The following SHC3 variants were observed in gnomAD, a reference collection of about 807,000 sequenced individuals.
SHC3 encodes SHC adaptor protein 3.
Under a neutral mutation model 60.4 loss-of-function variants are expected in SHC3, and 15 were observed. The observed-to-expected ratio is 0.25, with a 90% confidence interval of 0.17 to 0.38. The LOEUF (loss-of-function observed/expected upper bound fraction) is 0.38, where lower values mean the gene tolerates loss of function less well. SHC3 is among the 10% of genes least tolerant of loss of function. The pLI is 1.00. For synonymous variants in SHC3, 294 were observed against 325.9 expected (o/e 0.90, Z 1.05); for missense variants, 677 against 786.1 (o/e 0.86, Z 1.66).
At chr9:89,094,426 A>G (rs58355189) in intron 2 of SHC3, among the ~76,000 whole-genome samples, 12,928 of 152,216 alleles carry the variant, frequency 0.085, 646 homozygotes, top group Admixed American at 0.13. Flanking sequence ...GAAGGAAGGC[A>G]GGGGCCCAAG....
intron 6 of SHC3, among the ~76,000 whole-genome samples, chr9:89,059,456 G>A (rs1340893515): frequency 8.8e-5 from 13 of 147,348 alleles, no homozygotes; most frequent in Non-Finnish European, 1.5e-4. Flanking sequence ...GTGTTAGGAC[G>A]TGGGGGAGGA....
intron 2 of SHC3, among the ~76,000 whole-genome samples, chr9:89,082,555 G>A (rs1301028531): frequency 6.6e-6 from 1 of 152,158 alleles, no homozygotes; most frequent in Non-Finnish European, 1.5e-5. Flanking sequence ...GAAGCTAGAG[G>A]GAACCATCGC....
At chr9:89,035,108 G>T (rs1353839611) in intron 11 of SHC3, among the ~76,000 whole-genome samples, 1 of 152,164 alleles carries the variant, frequency 6.6e-6, no homozygotes, top group African/African-American at 2.4e-5. Flanking sequence ...AATAGTGCGG[G>T]TTCCCAGAGC....
intron 11 of SHC3, among the ~76,000 whole-genome samples, chr9:89,030,625 A>C (rs1424431333): frequency 6.6e-6 from 1 of 152,254 alleles, no homozygotes; most frequent in Non-Finnish European, 1.5e-5. Flanking sequence ...ACAACAGTTA[A>C]AAACACATAT....
chr9:89,089,670 A>G (rs1825589200), intron 2 of SHC3, among the ~76,000 whole-genome samples: 1 of 152,232 alleles, frequency 6.6e-6, no homozygotes, highest in Admixed American at 6.5e-5. Flanking sequence ...GAATCACACA[A>G]TATTGGTGGA....
chr9:89,120,839 C>T (rs569347699), intron 1 of SHC3, among the ~76,000 whole-genome samples: 100 of 148,214 alleles, frequency 6.7e-4, no homozygotes, highest in Middle Eastern at 3.4e-3. Flanking sequence ...GATACAATTC[C>T]GGAAAAAATT....
intron 1 of SHC3, among the ~76,000 whole-genome samples, chr9:89,159,602 T>C (rs555691538): frequency 6.6e-6 from 1 of 152,252 alleles, no homozygotes; most frequent in South Asian, 2.1e-4. Context: ...GGGGAGTTTA[T>C]AAAGTATTAA....
intron 1 of SHC3, among the ~76,000 whole-genome samples, chr9:89,119,408 G>A (rs982250513): frequency 2.0e-5 from 3 of 151,976 alleles, no homozygotes; most frequent in Non-Finnish European, 4.4e-5. Context: ...TTAAAAATAT[G>A]TATGGGTTAA....
At chr9:89,031,664 C>A (rs146584485) in intron 11 of SHC3, among the ~76,000 whole-genome samples, 2,695 of 152,120 alleles carry the variant, frequency 0.018, 29 homozygotes, top group South Asian at 0.029. Flanking sequence ...ATTGTTTCTA[C>A]CTTTTGGCTA....
intron 1 of SHC3, among the ~76,000 whole-genome samples, chr9:89,152,225 G>C (rs1438261303): frequency 6.6e-6 from 1 of 152,204 alleles, no homozygotes; most frequent in Non-Finnish European, 1.5e-5. Flanking sequence ...AAAAACGGGA[G>C]AATCCACAGT....
chr9:89,153,751 T>C (rs1216283408), intron 1 of SHC3, among the ~76,000 whole-genome samples: 1 of 152,226 alleles, frequency 6.6e-6, no homozygotes, highest in Non-Finnish European at 1.5e-5. Context: ...GTCACTATCA[T>C]GTGATATCAC....
At chr9:89,047,085 A>G (rs1824787574) in intron 7 of SHC3, 91 bp from the exon 8 acceptor site, 1 of 1,382,136 alleles carries the variant, frequency 7.2e-7, no homozygotes, top group African/African-American at 1.5e-5. Flanking sequence ...TTATTAAGAA[A>G]AGAGAGTTTA....
At chr9:89,101,041 C>T (rs1039044868) in intron 2 of SHC3, among the ~76,000 whole-genome samples, 1 of 152,156 alleles carries the variant, frequency 6.6e-6, no homozygotes, top group African/African-American at 2.4e-5. Context: ...AGTCTTTAGT[C>T]TATGAACACG....
At chr9:89,034,888 A>G (rs1247634106) in intron 11 of SHC3, among the ~76,000 whole-genome samples, 1 of 152,214 alleles carries the variant, frequency 6.6e-6, no homozygotes, top group East Asian at 1.9e-4. Context: ...CAGGGCTTGC[A>G]TAATGTCCTT....
At chr9:89,057,105 C>T (rs1373306632) in intron 6 of SHC3, among the ~76,000 whole-genome samples, 1 of 152,198 alleles carries the variant, frequency 6.6e-6, no homozygotes, top group Non-Finnish European at 1.5e-5. Context: ...TATTCGAAGT[C>T]ATTACTCAAA....
chr9:89,129,234 C>A (rs1486326769), intron 1 of SHC3, among the ~76,000 whole-genome samples: 2 of 152,070 alleles, frequency 1.3e-5, no homozygotes, highest in East Asian at 1.9e-4. Flanking sequence ...ATGAACAAAG[C>A]CTCCAAGAAA....
chr9:89,054,076 G>A (rs1446042882), intron 6 of SHC3, among the ~76,000 whole-genome samples: 1 of 152,144 alleles, frequency 6.6e-6, no homozygotes, highest in Non-Finnish European at 1.5e-5. Flanking sequence ...CCTTTAAGAT[G>A]AAGAACGAAG....
chr9:89,098,299 G>C (rs1412313922), intron 2 of SHC3, among the ~76,000 whole-genome samples: 1 of 151,970 alleles, frequency 6.6e-6, no homozygotes, highest in Non-Finnish European at 1.5e-5. Context: ...TGGAATGAGG[G>C]GAAAAAAAAC....
intron 6 of SHC3, among the ~76,000 whole-genome samples, chr9:89,060,740 A>T (rs11137499): frequency 6.6e-6 from 1 of 152,100 alleles, no homozygotes; most frequent in African/African-American, 2.4e-5. Context: ...TCTGTCTGCC[A>T]TGTGGACAAA....
Sources: allele counts gnomAD v4.1 joint callset (sites outside exome capture counted in the v4.1 genomes callset), GRCh38; gene constraint gnomAD v4.1.1; transcripts MANE v1.5; gene names NCBI Gene and HGNC (gene_info 2026-07-23, HGNC 2026-07-21).